EIF4G3: variants seen among roughly 807,000 people sequenced by gnomAD.
EIF4G3 encodes eukaryotic translation initiation factor 4 gamma 3, also known as eIF-4-gamma 3.
In EIF4G3, 34 loss-of-function variants were observed where a neutral mutation model predicts 186.4. The observed-to-expected ratio is 0.18, with a 90% CI of 0.14 to 0.24. The LOEUF (loss-of-function observed/expected upper bound fraction) is 0.24. EIF4G3 is among the 10% of genes least tolerant of loss of function. The probability of loss-of-function intolerance (pLI) is 1.00; values close to 1 mark genes in which losing one functional copy is unlikely to be tolerated. For missense variants in EIF4G3, 1,536 were observed against 1,948.5 expected, an observed-to-expected ratio of 0.79 and a Z score of 3.99; for synonymous variants, 673 against 679.5, an observed-to-expected ratio of 0.99 and a Z score of 0.15.
intron 24 of EIF4G3, among the ~76,000 whole-genome samples, chr1:20,858,289 C>CT (rs2075525869): frequency 6.6e-6 from 1 of 152,204 alleles, no homozygotes; most frequent in African/African-American, 2.4e-5. Context: ...AAGTCCCCAT[C>CT]TTCTACCACT....
At chr1:20,991,450 TC>T (rs2081081351) in intron 7 of EIF4G3, among the ~76,000 whole-genome samples, 1 of 151,880 alleles carries the variant, frequency 6.6e-6, no homozygotes, top group African/African-American at 2.4e-5. Flanking sequence ...CACCTGTAGT[TC>T]CAGCTACTCA....
At chr1:21,075,843 T>C (rs2095574380) in intron 3 of EIF4G3, among the ~76,000 whole-genome samples, 1 of 152,140 alleles carries the variant, frequency 6.6e-6, no homozygotes, top group African/African-American at 2.4e-5. Context: ...AAGTACTATT[T>C]GATCTAAAGG....
intron 13 of EIF4G3, among the ~76,000 whole-genome samples, chr1:20,948,495 T>C (rs951869122): frequency 7.2e-5 from 11 of 152,158 alleles, no homozygotes; most frequent in Admixed American, 2.6e-4. Context: ...ACCTGTCTGT[T>C]CAAGAGTATC....
intron 2 of EIF4G3, among the ~76,000 whole-genome samples, chr1:21,148,183 C>G (rs2097485055): frequency 6.6e-6 from 1 of 152,178 alleles, no homozygotes; most frequent in Non-Finnish European, 1.5e-5. Context: ...ATCCTCCCAT[C>G]TCAATATCCC....
chr1:20,861,623 G>T (rs1335290387), intron 23 of EIF4G3, among the ~76,000 whole-genome samples: 1 of 152,210 alleles, frequency 6.6e-6, no homozygotes, highest in African/African-American at 2.4e-5. Flanking sequence ...AGCTCACAAA[G>T]ACTAAATTTA....
At chr1:20,963,088 GTCTGTATGGTCTC>G (rs775920656) in intron 12 of EIF4G3, among the ~76,000 whole-genome samples, 1 of 151,710 alleles carries the variant, frequency 6.6e-6, no homozygotes, top group African/African-American at 2.4e-5. Context: ...TCTCTGTATG[GTCTGTATGGTCTC>G]TCTGTATGGT....
intron 14 of EIF4G3, among the ~76,000 whole-genome samples, chr1:20,916,476 A>T (rs1180195852): frequency 6.6e-6 from 1 of 151,996 alleles, no homozygotes; most frequent in East Asian, 1.9e-4. Context: ...AAAACAAAAA[A>T]CAAAAGCAAA....
At chr1:21,070,991 G>A (rs1056343659) in intron 3 of EIF4G3, among the ~76,000 whole-genome samples, 1 of 152,126 alleles carries the variant, frequency 6.6e-6, no homozygotes, top group Non-Finnish European at 1.5e-5. Context: ...GCATACAATA[G>A]GTTCTTCAGT....
chr1:20,919,967 C>T (rs1004834498), intron 14 of EIF4G3, among the ~76,000 whole-genome samples: 19 of 144,250 alleles, frequency 1.3e-4, no homozygotes, highest in Non-Finnish European at 2.1e-4. Context: ...AGTGCAATGG[C>T]GCAATCTGGG....
intron 33 of EIF4G3, among the ~76,000 whole-genome samples, chr1:20,818,010 T>C (rs1557766217): frequency 6.6e-6 from 1 of 152,128 alleles, no homozygotes. Context: ...GTCAGTCCAT[T>C]ATCCTTCTGA....
At chr1:21,092,305 G>A (rs1325245489) in intron 2 of EIF4G3, among the ~76,000 whole-genome samples, 2 of 152,148 alleles carry the variant, frequency 1.3e-5, no homozygotes, top group Non-Finnish European at 2.9e-5. Context: ...ATTGATTTGT[G>A]TATGTTGATC....
At chr1:21,032,187 ACAGATGTTTCCCTG>A (rs1436471827) in intron 4 of EIF4G3, among the ~76,000 whole-genome samples, 6 of 152,220 alleles carry the variant, frequency 3.9e-5, no homozygotes, top group African/African-American at 1.2e-4. Flanking sequence ...AAATTATAGC[ACAGATGTTTCCCTG>A]CAGACAAGCC....
At chr1:20,871,724 T>C (rs2079240317) in intron 20 of EIF4G3, among the ~76,000 whole-genome samples, 1 of 152,194 alleles carries the variant, frequency 6.6e-6, no homozygotes, top group Admixed American at 6.5e-5. Flanking sequence ...CTGAAACACA[T>C]ACTAACAGCT....
chr1:21,043,870 C>CTAAA (rs2093718379), intron 4 of EIF4G3, among the ~76,000 whole-genome samples: 2 of 141,072 alleles, frequency 1.4e-5, no homozygotes, highest in East Asian at 2.1e-4. Context: ...AACCTTGGCG[C>CTAAA]AAAAAAAAAA....
chr1:20,893,558 C>CAAAGGCTGGTGT lies in EIF4G3; in HGVS notation c.2200_2211dup (p.Thr734_Phe737dup). The CAAAGGCTGGTGT allele has an allele frequency of 6.2e-7, 1 of 1,602,376 alleles. No homozygotes were observed. Among genetic ancestry groups the CAAAGGCTGGTGT allele is most frequent in the Non-Finnish European group, 8.5e-7 (1 of 1,171,440 alleles). ...CCAGGTGTCTGCCTTCCAAAATCAG[C>CAAAGGCTGGTGT]AAAGGCTGGTGTAAAGTCTGGTCCT... On this transcript the variant is annotated inframe_insertion, in exon 18 of 37. Coordinates refer to ENST00000602326, the MANE Select transcript of EIF4G3 (RefSeq NM_001391906.1).
At chr1:21,113,415 A>T (rs1021705688) in intron 2 of EIF4G3, among the ~76,000 whole-genome samples, 2 of 151,652 alleles carry the variant, frequency 1.3e-5, no homozygotes, top group Non-Finnish European at 2.9e-5. Flanking sequence ...CTGTGGAAAA[A>T]ACCTGGTCTT....
intron 4 of EIF4G3, among the ~76,000 whole-genome samples, chr1:21,024,333 G>A (rs571228294): frequency 5.3e-4 from 80 of 152,260 alleles, no homozygotes; most frequent in African/African-American, 1.7e-3. Context: ...CGCCCCGACC[G>A]TGAGGGAGGT....
Position 20,927,026 on chromosome 1 carries a change from T to C in EIF4G3, c.1663+14465A>G, listed in dbSNP as rs569913085. 5.1e-4 allele frequency among the ~76,000 whole-genome samples: 78 copies of C among 152,068 alleles called. No homozygotes were observed. The South Asian group carries it at 0.012, about 24-fold the overall frequency. The stretch of plus-strand genomic sequence containing the variant: ...AGAAAACCTTGTGAATAGAGTCATA[T>C]TGAAAAATTGAAAAAAATACTTTTT... On this transcript the variant is annotated intron_variant, in intron 14 of 36. Transcript: ENST00000602326.
chr1:20,978,009 C>T (rs2077191049), intron 10 of EIF4G3, among the ~76,000 whole-genome samples: 1 of 152,152 alleles, frequency 6.6e-6, no homozygotes, highest in South Asian at 2.1e-4. Flanking sequence ...AATTAGAAGA[C>T]TAATTGTATT....
Sources: gnomAD v4.1 joint callset for allele counts (sites outside exome capture counted in the v4.1 genomes callset) on GRCh38, gnomAD v4.1.1 for gene constraint, MANE v1.5 for transcripts, NCBI Gene and HGNC (gene_info 2026-07-23, HGNC 2026-07-21) for gene names.